Variants in KAZN observed in about 807,000 individuals in gnomAD.
KAZN encodes the protein kazrin.
A neutral mutation model predicts 87.4 loss-of-function variants in KAZN; 40 were observed. The ratio of observed to expected loss-of-function variants is 0.46; its 90% CI spans 0.36 to 0.60. The LOEUF is 0.60. KAZN is among the 20% of genes least tolerant of loss of function. The pLI, the probability that KAZN is intolerant of heterozygous loss-of-function variation, is 0.00. For missense variants in KAZN, 898 were observed against 1,073.9 expected (o/e 0.84, Z 2.29); for synonymous variants, 466 against 458.3 (o/e 1.02, Z -0.22).
At chr1:14,440,323 T>C (rs2101444612) in intron 2 of KAZN, among the ~76,000 whole-genome samples, 1 of 152,262 alleles carries the variant, frequency 6.6e-6, no homozygotes, top group East Asian at 1.9e-4. Flanking sequence ...CCTCCGTGGG[T>C]TGATAAGAGA....
At chr1:13,990,409 A>G (rs548250979) in intron 1 of KAZN, among the ~76,000 whole-genome samples, 1 of 152,308 alleles carries the variant, frequency 6.6e-6, no homozygotes, top group South Asian at 2.1e-4. Context: ...ATGATGAGTG[A>G]AAAAAGCCAG....
At chr1:14,314,908 A>G (rs1400374353) in intron 2 of KAZN, among the ~76,000 whole-genome samples, 1 of 152,098 alleles carries the variant, frequency 6.6e-6, no homozygotes, top group African/African-American at 2.4e-5. Context: ...TGGGTGTTTT[A>G]TATAAGTGGA....
chr1:14,895,116 T>C (rs543741424), intron 1 of KAZN, among the ~76,000 whole-genome samples: 1 of 152,360 alleles, frequency 6.6e-6, no homozygotes, highest in East Asian at 1.9e-4. Flanking sequence ...CTCCCTGGCT[T>C]TGCCCTTTGT....
chr1:14,122,992 C>T (rs934482018), intron 1 of KAZN, among the ~76,000 whole-genome samples: 4 of 152,032 alleles, frequency 2.6e-5, no homozygotes, highest in South Asian at 2.1e-4. Context: ...GATAGCAAAG[C>T]GGAGGAATGG....
chr1:14,751,841 T>C (rs1233035428), intron 1 of KAZN, among the ~76,000 whole-genome samples: 2 of 152,208 alleles, frequency 1.3e-5, no homozygotes, highest in Non-Finnish European at 1.5e-5. Flanking sequence ...CCTATAGATA[T>C]GCCATCACAG....
chr1:14,737,251 G>A (rs1379021242), intron 1 of KAZN, among the ~76,000 whole-genome samples: 1 of 152,112 alleles, frequency 6.6e-6, no homozygotes, highest in Admixed American at 6.5e-5. Context: ...GAGGCGGATG[G>A]TGCAGGAGTG....
chr1:14,801,059 AAAAG>A (rs1382517272), intron 1 of KAZN, among the ~76,000 whole-genome samples: 4 of 151,962 alleles, frequency 2.6e-5, no homozygotes, highest in African/African-American at 9.7e-5. Flanking sequence ...AAAAAAAAAA[AAAAG>A]AAATACGTGG....
chr1:14,813,268 A>G (rs997821061), intron 1 of KAZN, among the ~76,000 whole-genome samples: 1 of 152,172 alleles, frequency 6.6e-6, no homozygotes, highest in African/African-American at 2.4e-5. Context: ...TAATGACTTG[A>G]TTGAGTAATA....
intron 1 of KAZN, among the ~76,000 whole-genome samples, chr1:14,727,624 G>A (rs553367743): frequency 3.3e-5 from 5 of 150,844 alleles, no homozygotes; most frequent in Admixed American, 6.6e-5. Flanking sequence ...GCACCACCAC[G>A]CCTGGCTAAT....
At chr1:15,005,329 T>G (rs1668891376) in intron 2 of KAZN, among the ~76,000 whole-genome samples, 1 of 152,186 alleles carries the variant, frequency 6.6e-6, no homozygotes, top group Admixed American at 6.5e-5. Flanking sequence ...TGCAAGGCAG[T>G]CACCGGGCAG....
chr1:14,399,178 TTTA>T lies in KAZN; in HGVS notation c.250-199803_250-199801del, dbSNP rs1182744622. ...CATGCCTGGCTAGTTTATTTATTTA[TTTA>T]TATTTATTTATTTTTAGTGGAGATG... On this transcript the variant is annotated intron_variant, in intron 2 of 16. Transcript: ENST00000636203. Among the ~76,000 whole-genome samples the T allele has an allele frequency of 1.6e-4, 24 of 152,074 alleles. No homozygotes were observed. The East Asian group carries it at 4.5e-3, about 28-fold the overall frequency.
At chr1:15,023,980 G>C (rs185921640) in intron 2 of KAZN, among the ~76,000 whole-genome samples, 1 of 152,156 alleles carries the variant, frequency 6.6e-6, no homozygotes, top group Admixed American at 6.6e-5. Flanking sequence ...TGTGAACTGA[G>C]TTTGAGGGCA....
intron 2 of KAZN, among the ~76,000 whole-genome samples, chr1:14,968,276 A>T (rs959907946): frequency 3.3e-5 from 5 of 152,076 alleles, no homozygotes; most frequent in African/African-American, 7.3e-5. Context: ...TCGTGCTCCT[A>T]TGAGAGTCTA....
intron 1 of KAZN, among the ~76,000 whole-genome samples, chr1:13,904,755 T>G (rs1639374650): frequency 6.6e-6 from 1 of 152,172 alleles, no homozygotes; most frequent in African/African-American, 2.4e-5. Flanking sequence ...ATTTTATTTA[T>G]CCTATCTGGG....
intron 2 of KAZN, among the ~76,000 whole-genome samples, chr1:14,501,272 A>G (rs1670237556): frequency 6.6e-6 from 1 of 152,152 alleles, no homozygotes; most frequent in South Asian, 2.1e-4. Flanking sequence ...AGCCAGCGCA[A>G]TTAAGCAAGA....
intron 1 of KAZN, among the ~76,000 whole-genome samples, chr1:14,076,827 C>T (rs895520750): frequency 6.6e-6 from 1 of 152,108 alleles, no homozygotes; most frequent in Admixed American, 6.5e-5. Context: ...CTGTGGTGCA[C>T]TGTGAGCTGG....
chr1:14,975,904 C>T lies in KAZN; in HGVS notation c.418+15029C>T, dbSNP rs1043392363. Among the ~76,000 whole-genome samples the T allele has an allele frequency of 4.6e-3, 692 of 151,876 alleles. 4 individuals are homozygous for T. Among genetic ancestry groups the T allele is most frequent in the African/African-American group, 0.016 (644 of 41,500 alleles). The stretch of plus-strand genomic sequence containing the variant: ...AAAATTAACTGGGCGTAGTGGCGGG[C>T]GCCTGTAGTCCCAGCTACTTGGGAG... On this transcript the variant is annotated intron_variant, in intron 2 of 14. Coordinates refer to ENST00000376030, the MANE Select transcript of KAZN (RefSeq NM_201628.3).
chr1:14,781,740 G>T (rs1452173431), intron 1 of KAZN, among the ~76,000 whole-genome samples: 3 of 152,218 alleles, frequency 2.0e-5, no homozygotes, highest in African/African-American at 7.2e-5. Flanking sequence ...ACTTTGGGAG[G>T]CCTAGATGGG....
At chr1:14,276,166 T>G (rs1355323413) in intron 2 of KAZN, among the ~76,000 whole-genome samples, 17 of 33,720 alleles carry the variant, frequency 5.0e-4, no homozygotes, top group Non-Finnish European at 1.3e-3. Flanking sequence ...TAAGGGTGTG[T>G]GTGTGTGTGT....
Sources: gnomAD v4.1 joint callset for allele counts (sites outside exome capture counted in the v4.1 genomes callset) on GRCh38, gnomAD v4.1.1 for gene constraint, MANE v1.5 for transcripts, NCBI Gene and HGNC (gene_info 2026-07-23, HGNC 2026-07-21) for gene names.